USP12: variants seen among roughly 807,000 people sequenced by gnomAD.
The protein encoded by USP12 is ubiquitin specific peptidase 12.
In USP12, 19 loss-of-function variants were observed where a neutral mutation model predicts 45.5. That is an observed-to-expected ratio of 0.42 (90% CI 0.29 to 0.61). The LOEUF (loss-of-function observed/expected upper bound fraction) is 0.61. Among genes scored for constraint, USP12 ranks in the 20% least tolerant of loss-of-function variants. USP12 has a pLI of 0.22. For synonymous variants in USP12, 149 were observed against 148.8 expected (o/e 1.00, Z -0.01); for missense variants, 242 against 447.7 (o/e 0.54, Z 4.15).
intron 6 of USP12, among the ~76,000 whole-genome samples, chr13:27,086,193 A>ATATAT (rs1333218859): frequency 1.6e-3 from 109 of 66,898 alleles, no homozygotes; most frequent in East Asian, 8.5e-3. Flanking sequence ...AAAAAAAAAA[A>ATATAT]AAAAATATAT....
chr13:27,148,178 A>G (rs1429241956), intron 1 of USP12, among the ~76,000 whole-genome samples: 4 of 152,044 alleles, frequency 2.6e-5, no homozygotes, highest in Admixed American at 6.6e-5. Context: ...AGTTGTTCCT[A>G]TGCTAACAGA....
rs546578087 is a variant in USP12 at position 27,119,984 on chromosome 13, G to A, written c.49-3388C>T. Reference sequence around the variant, plus strand: ...GGTACACTCCTCTCTCTAGCCTAACGCTAACTAAAAAGGCAAAAGATTATA... The same window carrying A: ...GGTACACTCCTCTCTCTAGCCTAACACTAACTAAAAAGGCAAAAGATTATA... On this transcript the variant is annotated intron_variant, in intron 1 of 8. Coordinates refer to ENST00000282344, the MANE Select transcript of USP12 (RefSeq NM_182488.4). 5.9e-5 allele frequency among the ~76,000 whole-genome samples: 9 copies of A among 152,270 alleles called. No individual in the cohort carries two copies. In the South Asian group the frequency reaches 1.2e-3, roughly 21 times the overall value.
At chr13:27,075,962 G>A (rs531032326) in intron 6 of USP12, among the ~76,000 whole-genome samples, 6 of 150,396 alleles carry the variant, frequency 4.0e-5, no homozygotes, top group African/African-American at 1.2e-4. Context: ...CCCAGGAGGC[G>A]GAGGTTGCAG....
At chr13:27,093,819 T>A (rs563184) in intron 4 of USP12, among the ~76,000 whole-genome samples, 149,008 of 152,322 alleles carry the variant, frequency 0.98, 72,957 homozygotes, top group East Asian at 1. Flanking sequence ...CAGCACATCC[T>A]TACAGTGGAA....
At chr13:27,071,787 G>T (rs1356277943) in intron 7 of USP12, among the ~76,000 whole-genome samples, 1 of 152,030 alleles carries the variant, frequency 6.6e-6, no homozygotes, top group Non-Finnish European at 1.5e-5. Flanking sequence ...ATATATAAAT[G>T]TAGATATACA....
Position 27,165,839 on chromosome 13 carries a change from A to T in USP12, c.48+5753T>A, listed in dbSNP as rs115533597. ...AGGGAACTAAGTGAAATTCTTGCTTAATTATGTCTGATTCTATGCTTTTTA... is the reference window on the plus strand; with the variant it reads ...AGGGAACTAAGTGAAATTCTTGCTTTATTATGTCTGATTCTATGCTTTTTA... On this transcript the variant is annotated intron_variant, in intron 1 of 8. Coordinates refer to ENST00000282344, the MANE Select transcript of USP12 (RefSeq NM_182488.4). 6.6e-3 allele frequency among the ~76,000 whole-genome samples: 998 copies of T among 152,320 alleles called. 10 individuals carry two copies. The highest frequency in any genetic ancestry group is 0.023 in the African/African-American group (954 of 41,582).
At chr13:27,092,828 A>T (rs1874378943) in intron 4 of USP12, among the ~76,000 whole-genome samples, 1 of 152,198 alleles carries the variant, frequency 6.6e-6, no homozygotes, top group Non-Finnish European at 1.5e-5. Flanking sequence ...TAGATACAAC[A>T]CCAAAAGTAT....
rs1400938097 is a variant in USP12 at position 27,066,714 on chromosome 13, T to C, written c.*2569A>G. On this transcript the variant is annotated 3_prime_UTR_variant, in exon 9 of 9. Transcript: ENST00000282344. ...ATTTATAGAAATTTTTATTCCAATA[T>C]ACAAAATATGGGACAGCCATCCCAA... The C allele has an allele frequency of 6.6e-6, 1 of 152,174 alleles. No individual in the cohort carries two copies. The highest frequency in any genetic ancestry group is 1.5e-5 in the Non-Finnish European group (1 of 68,024). 9.4% of individuals were successfully genotyped at this position (152,174 alleles called of 1,614,324 possible).
intron 6 of USP12, among the ~76,000 whole-genome samples, chr13:27,084,179 C>T (rs1373428993): frequency 6.3e-4 from 10 of 15,966 alleles, no homozygotes; most frequent in East Asian, 0.019. Flanking sequence ...TACACACACA[C>T]ACACACACAC....
At chr13:27,135,963 A>G (rs1565999770) in intron 1 of USP12, among the ~76,000 whole-genome samples, 1 of 152,172 alleles carries the variant, frequency 6.6e-6, no homozygotes, top group Non-Finnish European at 1.5e-5. Flanking sequence ...AGGCAGCACC[A>G]TGGGTTCTGC....
chr13:27,117,467 T>C (rs149767283), intron 1 of USP12, among the ~76,000 whole-genome samples: 2 of 138,568 alleles, frequency 1.4e-5, no homozygotes, highest in African/African-American at 2.8e-5. Flanking sequence ...AGATGGGCCA[T>C]TGTTAGGGAA....
intron 7 of USP12, among the ~76,000 whole-genome samples, chr13:27,073,895 CTCACTCTGAAAACCCGGTCTGAA>C (rs1873354458): frequency 6.6e-6 from 1 of 152,154 alleles, no homozygotes; most frequent in Admixed American, 6.5e-5. Context: ...CCAAGTTTCT[CTCACTCTGAAAACCCGGTCTGAA>C]TCACTACACC....
intron 8 of USP12, among the ~76,000 whole-genome samples, chr13:27,070,282 G>A (rs1264475215): frequency 6.6e-6 from 1 of 152,144 alleles, no homozygotes; most frequent in Non-Finnish European, 1.5e-5. Context: ...CAAATAGCAG[G>A]CTCCAGGAGG....
At chr13:27,132,066 C>T (rs552602341) in intron 1 of USP12, among the ~76,000 whole-genome samples, 5 of 152,262 alleles carry the variant, frequency 3.3e-5, no homozygotes, top group South Asian at 2.1e-4. Flanking sequence ...TCATATAGCA[C>T]GTAAGAAATC....
At position 27,130,551 on chromosome 13, in the gene USP12, C is replaced by T. The variant is rs921321764; in HGVS notation, c.49-13955G>A. On this transcript the variant is annotated intron_variant, in intron 1 of 8. Coordinates refer to ENST00000282344, the MANE Select transcript of USP12 (RefSeq NM_182488.4). ...TCTCACACACACACAAAAAAAATCA[C>T]AAAACATGCCAAAAAAAAAAAAAAA... 2.3e-4 allele frequency among the ~76,000 whole-genome samples: 17 copies of T among 72,994 alleles called. No individual in the cohort carries two copies. The Admixed American group carries it at 2.5e-3, about 11-fold the overall frequency. The allele number at this position is 72,994 out of a possible 152,430, so 47.9% of individuals were successfully genotyped here.
intron 1 of USP12, among the ~76,000 whole-genome samples, chr13:27,127,047 A>G (rs181117997): frequency 2.0e-4 from 30 of 152,332 alleles, no homozygotes; most frequent in African/African-American, 6.7e-4. Context: ...GGGGTTCTGC[A>G]CTGATCTGCA....
At chr13:27,086,195 A>ATATAT (rs1326329926) in intron 6 of USP12, among the ~76,000 whole-genome samples, 622 of 61,724 alleles carry the variant, frequency 0.01, 7 homozygotes, top group Admixed American at 0.04. Context: ...AAAAAAAAAA[A>ATATAT]AAATATATAT....
intron 1 of USP12, among the ~76,000 whole-genome samples, chr13:27,138,444 G>A (rs1335734855): frequency 6.6e-6 from 1 of 152,204 alleles, no homozygotes; most frequent in Non-Finnish European, 1.5e-5. Context: ...TGTATCCCCT[G>A]TATCGCCCTC....
chr13:27,159,460 T>TATC (rs571877528), intron 1 of USP12, among the ~76,000 whole-genome samples: 5 of 152,226 alleles, frequency 3.3e-5, no homozygotes, highest in Non-Finnish European at 7.3e-5. Flanking sequence ...ACAAGTGTTC[T>TATC]ATCATTAAAT....
Sources: allele counts gnomAD v4.1 joint callset (sites outside exome capture counted in the v4.1 genomes callset), GRCh38; gene constraint gnomAD v4.1.1; transcripts MANE v1.5; gene names NCBI Gene and HGNC (gene_info 2026-07-23, HGNC 2026-07-21).